The following MED28 variants were observed in gnomAD, a reference collection of about 807,000 sequenced individuals.
The protein encoded by MED28 is mediator of RNA polymerase II transcription subunit 28.
A neutral mutation model predicts 21.3 loss-of-function variants in MED28; 26 were observed. The ratio of observed to expected loss-of-function variants is 1.22; its 90% CI spans 0.89 to 1.69. The LOEUF (loss-of-function observed/expected upper bound fraction) is 1.69. Among genes scored for constraint, MED28 ranks in the 40% most tolerant of loss-of-function variants. The pLI is 0.00. For missense variants in MED28, 257 were observed against 215.4 expected, an observed-to-expected ratio of 1.19 and a Z score of -1.21; for synonymous variants, 110 against 87.6, an observed-to-expected ratio of 1.26 and a Z score of -1.43.
chr4:17,615,227 C>CT (rs1249913985), intron 1 of MED28, among the ~76,000 whole-genome samples: 1 of 152,154 alleles, frequency 6.6e-6, no homozygotes, highest in African/African-American at 2.4e-5. Context: ...TAAAGGGACT[C>CT]TTAAGAGCGG....
At chr4:17,614,885 ATC>A in intron 1 of MED28, 72 bp downstream of exon 1, 1 of 1,498,144 alleles carries the variant, frequency 6.7e-7, no homozygotes, top group Non-Finnish European at 9.0e-7. Context: ...GCGTACGCGT[ATC>A]TCCTCCAGGG....
rs1231867504 is a variant in MED28, at chr4:17,629,918, C to T, written c.*6120C>T. 1 of 152,116 alleles carries T rather than the reference C, an allele frequency of 6.6e-6. No individual in the cohort carries two copies. Among genetic ancestry groups the T allele is most frequent in the Non-Finnish European group, 1.5e-5 (1 of 68,026 alleles). The allele number at this position is 152,116 out of a possible 1,614,324, so 9.4% of individuals were successfully genotyped here. Reference sequence around the variant, plus strand: ...ACAAACAAAAAGCTTAAGTTTGTGTCCTTAAATGCCTTACTTCAATACCCA... The same window carrying T: ...ACAAACAAAAAGCTTAAGTTTGTGTTCTTAAATGCCTTACTTCAATACCCA... On this transcript the variant is annotated 3_prime_UTR_variant, in exon 4 of 4. Coordinates refer to ENST00000237380, the MANE Select transcript of MED28 (RefSeq NM_025205.5).
chr4:17,624,374 G>A lies in MED28; in HGVS notation c.*576G>A, dbSNP rs569893839. ...GGTCAGAAGACGATGGAACTGTCCT[G>A]GGTTAGTATAGTAATCTTACAGTAG... On this transcript the variant is annotated 3_prime_UTR_variant, in exon 4 of 4. Coordinates refer to ENST00000237380, the MANE Select transcript of MED28 (RefSeq NM_025205.5). 3.8e-4 allele frequency: 58 copies of A among 154,512 alleles called. No individual in the cohort carries two copies. Among genetic ancestry groups the A allele is most frequent in the African/African-American group, 1.3e-3 (56 of 41,564 alleles). The allele number at this position is 154,512 out of a possible 1,614,324, so 9.6% of individuals were successfully genotyped here.
At position 17,624,625 on chromosome 4, in the gene MED28, TTC is replaced by T. The variant is rs1714725875; in HGVS notation, c.*829_*830del. 1.3e-5 allele frequency: 2 copies of T among 152,240 alleles called. No homozygotes were observed. The highest frequency in any genetic ancestry group is 2.1e-4 in the South Asian group (1 of 4,824). 9.4% of individuals were successfully genotyped at this position (152,240 alleles called of 1,614,324 possible). On this transcript the variant is annotated 3_prime_UTR_variant, in exon 4 of 4. Transcript: ENST00000237380. The stretch of plus-strand genomic sequence containing the variant: ...GCTAAATCTTGCTCTGATTGTCTCT[TTC>T]TGTTTTGAGTTTTGTTTGCGTGTAT...
In MED28 at chr4:17,632,043, ATTT is replaced by A. The variant is rs199549580; in HGVS notation, c.*8287_*8289del. On this transcript the variant is annotated 3_prime_UTR_variant, in exon 4 of 4. Transcript: ENST00000237380. ...TTTTAATAACACTGGTTTAATGTCA[ATTT>A]TTTTTTTTTTTTTTTTTTTTTTTTT... 128 of 117,278 alleles carry A rather than the reference ATTT, an allele frequency of 1.1e-3. No individual in the cohort carries two copies. Among genetic ancestry groups the A allele is most frequent in the Non-Finnish European group, 1.6e-3 (92 of 56,338 alleles). The allele number at this position is 117,278 out of a possible 1,614,324, so 7.3% of individuals were successfully genotyped here.
Position 17,633,851 on chromosome 4 carries a change from C to T in MED28, c.*10053C>T, listed in dbSNP as rs191729460. The stretch of plus-strand genomic sequence containing the variant: ...TGCATAGGAGGCGAGGTTCGGCACG[C>T]TGACCACGCGGCTGGGCACGTCCTC... On this transcript the variant is annotated 3_prime_UTR_variant, in exon 4 of 4. Coordinates refer to ENST00000237380, the MANE Select transcript of MED28 (RefSeq NM_025205.5). 1.3e-6 allele frequency: 2 copies of T among 1,551,236 alleles called. No homozygotes were observed. The highest frequency in any genetic ancestry group is 1.7e-6 in the Non-Finnish European group (2 of 1,146,848).
At chr4:17,620,600 C>T (rs367609666) in intron 2 of MED28, among the ~76,000 whole-genome samples, 6 of 151,730 alleles carry the variant, frequency 4.0e-5, no homozygotes, top group African/African-American at 7.3e-5. Flanking sequence ...CCCAAAGTAT[C>T]GGGATTACAG....
In MED28 at chr4:17,625,440, G is replaced by C; in HGVS notation, c.*1642G>C. On this transcript the variant is annotated 3_prime_UTR_variant, in exon 4 of 4. Coordinates refer to ENST00000237380, the MANE Select transcript of MED28 (RefSeq NM_025205.5). Reference sequence around the variant, plus strand: ...GTCACTCATGGTAATTAGAAACTCTGATTGGCAGCTTTGTATTTCTTGACT... The same window carrying C: ...GTCACTCATGGTAATTAGAAACTCTCATTGGCAGCTTTGTATTTCTTGACT... 4.0e-6 allele frequency: 1 copy of C among 250,710 alleles called. No individual in the cohort carries two copies. Among genetic ancestry groups the C allele is most frequent in the Non-Finnish European group, 7.9e-6 (1 of 126,840 alleles). The allele number at this position is 250,710 out of a possible 1,614,324, so 15.5% of individuals were successfully genotyped here. A position where few individuals can be genotyped will look rare whatever the true frequency, so the allele number is the denominator to read the frequency against.
intron 2 of MED28, among the ~76,000 whole-genome samples, chr4:17,620,692 C>CTTTT (rs146604205): frequency 3.2e-4 from 35 of 108,842 alleles, no homozygotes; most frequent in African/African-American, 1.1e-3. Flanking sequence ...TGCATTGTCT[C>CTTTT]TTTTTTTTTT....
chr4:17,620,769 C>A (rs1466278248), intron 2 of MED28, among the ~76,000 whole-genome samples: 1 of 142,146 alleles, frequency 7.0e-6, no homozygotes, highest in Non-Finnish European at 1.5e-5. Flanking sequence ...GTGGCATGAT[C>A]TCTGCTCACT....
intron 1 of MED28, among the ~76,000 whole-genome samples, chr4:17,616,632 C>G (rs765550800): frequency 6.6e-6 from 1 of 152,166 alleles, no homozygotes; most frequent in African/African-American, 2.4e-5. Context: ...GCTTCCAGGC[C>G]GCTCCTCAGC....
At position 17,631,884 on chromosome 4, in the gene MED28, G is replaced by A. The variant is rs921076051; in HGVS notation, c.*8086G>A. On this transcript the variant is annotated 3_prime_UTR_variant, in exon 4 of 4. Transcript: ENST00000237380. ...GAGTTGACTAGCATCCTAAGGACAA[G>A]TACAACCACTTTTGAAATAGATCAT... The A allele has an allele frequency of 6.6e-6, 1 of 152,194 alleles. No homozygotes were observed. The highest frequency in any genetic ancestry group is 2.4e-5 in the African/African-American group (1 of 41,508). 9.4% of individuals were successfully genotyped at this position (152,194 alleles called of 1,614,324 possible).
chr4:17,632,557 C>CA lies in MED28; in HGVS notation c.*8760dup. The CA allele has an allele frequency of 6.4e-7, 1 of 1,551,324 alleles. No homozygotes were observed. The highest frequency in any genetic ancestry group is 8.7e-7 in the Non-Finnish European group (1 of 1,146,756). ...TTAGAAAGAAAAGTACTTGGTGAAC[C>CA]ATTCCTGGTGCGGAGAGCCCTGTTT... On this transcript the variant is annotated 3_prime_UTR_variant, in exon 4 of 4. Coordinates refer to ENST00000237380, the MANE Select transcript of MED28 (RefSeq NM_025205.5).
In MED28 at chr4:17,614,662, C is replaced by G. The variant is rs777069152; in HGVS notation, c.8C>G (p.Ala3Gly). MA[A>G]PLGGMFSGQP... ...TCTTGCGCCATTCCAAACATGGCGG[C>G]TCCACTAGGGGGTATGTTTTCTGGG... Residue 3 changes from alanine (A) to glycine (G), a missense_variant, in exon 1 of 4, where the codon GCT becomes GGT. Transcript: ENST00000237380. The G allele has an allele frequency of 6.2e-7, 1 of 1,606,330 alleles. No homozygotes were observed. Among genetic ancestry groups the G allele is most frequent in the Non-Finnish European group, 8.5e-7 (1 of 1,177,340 alleles).
rs1164699689 is a variant in MED28, at chr4:17,619,901, G to C, written c.160G>C (p.Ala54Pro). The C allele has an allele frequency of 6.2e-7, 1 of 1,613,908 alleles. No homozygotes were observed. ...LVDELESSFE[A>P]CFASLVSQDY... ...TCTTTCCTATGTTTTGATTACACAG[G>C]CTTGCTTTGCATCTCTGGTGAGTCA... Residue 54 changes from alanine (A) to proline (P), a missense_variant and splice_region_variant, in exon 2 of 4, where the codon GCT (alanine) becomes CCT (proline). Coordinates refer to ENST00000237380, the MANE Select transcript of MED28 (RefSeq NM_025205.5).
Position 17,631,989 on chromosome 4 carries a change from A to C in MED28, c.*8191A>C, listed in dbSNP as rs1714959500. ...GAAATACAAGGTATGGGTCATTAGT[A>C]ACGCTAATAACATTTTCCTATAGAT... On this transcript the variant is annotated 3_prime_UTR_variant, in exon 4 of 4. Transcript: ENST00000237380. The C allele has an allele frequency of 6.6e-6, 1 of 151,112 alleles. No homozygotes were observed. The highest frequency in any genetic ancestry group is 1.5e-5 in the Non-Finnish European group (1 of 67,912). The allele number at this position is 151,112 out of a possible 1,614,324, so 9.4% of individuals were successfully genotyped here.
chr4:17,632,043 ATT>A lies in MED28; in HGVS notation c.*8288_*8289del, dbSNP rs199549580. 2.6e-4 allele frequency: 31 copies of A among 117,538 alleles called. No homozygotes were observed. The highest frequency in any genetic ancestry group is 3.4e-4 in the Non-Finnish European group (19 of 56,540). 7.3% of individuals were successfully genotyped at this position (117,538 alleles called of 1,614,324 possible). On this transcript the variant is annotated 3_prime_UTR_variant, in exon 4 of 4. Coordinates refer to ENST00000237380, the MANE Select transcript of MED28 (RefSeq NM_025205.5). ...TTTTAATAACACTGGTTTAATGTCAATTTTTTTTTTTTTTTTTTTTTTTTTTT... is the reference window on the plus strand; with the variant it reads ...TTTTAATAACACTGGTTTAATGTCAATTTTTTTTTTTTTTTTTTTTTTTTT...
chr4:17,626,016 A>G lies in MED28; in HGVS notation c.*2218A>G, dbSNP rs1714763308. ...TTTTTCCCATTTTCACAGATGGATA[A>G]TAAATCTGTAAAATAGGGATAAGAC... On this transcript the variant is annotated 3_prime_UTR_variant, in exon 4 of 4. Coordinates refer to ENST00000237380, the MANE Select transcript of MED28 (RefSeq NM_025205.5). The G allele has an allele frequency of 6.2e-6, 1 of 161,618 alleles. No homozygotes were observed. The highest frequency in any genetic ancestry group is 6.4e-5 in the Admixed American group (1 of 15,640). The allele number at this position is 161,618 out of a possible 1,614,324, so 10.0% of individuals were successfully genotyped here. A position where few individuals can be genotyped will look rare whatever the true frequency, so the allele number is the denominator to read the frequency against.
At chr4:17,617,347 G>T (rs778165316) in intron 1 of MED28, among the ~76,000 whole-genome samples, 2 of 152,214 alleles carry the variant, frequency 1.3e-5, no homozygotes, top group Non-Finnish European at 2.9e-5. Flanking sequence ...TCCTATTGGG[G>T]TGCCACTCCT....
Sources: gnomAD v4.1 joint callset for allele counts (sites outside exome capture counted in the v4.1 genomes callset) on GRCh38, gnomAD v4.1.1 for gene constraint, MANE v1.5 for transcripts, NCBI Gene and HGNC (gene_info 2026-07-23, HGNC 2026-07-21) for gene names.